Variants in ERBB2 observed in about 807,000 individuals in gnomAD.
ERBB2 encodes the protein receptor tyrosine-protein kinase erbB-2.
Under a neutral mutation model 149.0 loss-of-function variants are expected in ERBB2, and 61 were observed. The ratio of observed to expected loss-of-function variants is 0.41; its 90% confidence interval spans 0.33 to 0.51. ERBB2 has a LOEUF of 0.51. Ranked by LOEUF, ERBB2 falls within the 20% of genes least tolerant of loss-of-function variation. The probability of loss-of-function intolerance (pLI) is 0.25; values close to 1 mark genes in which losing one functional copy is unlikely to be tolerated. For missense variants in ERBB2, 1,205 were observed against 1,655.1 expected, an observed-to-expected ratio of 0.73 and a Z score of 4.72; for synonymous variants, 633 against 678.8, an observed-to-expected ratio of 0.93 and a Z score of 1.05.
At chr17:39,690,394 T>C (rs937224440), upstream of ERBB2, among the ~76,000 whole-genome samples, 4 of 152,210 alleles carry the variant, frequency 2.6e-5, no homozygotes, top group South Asian at 2.1e-4. Flanking sequence ...CCATAAAATA[T>C]TAATTTTCGC....
At chr17:39,724,094 G>A in intron 19 of ERBB2, 84 bp downstream of exon 19, 1 of 968,494 alleles carries the variant, frequency 1.0e-6, no homozygotes. Context: ...CTTCATTGGG[G>A]TTTGGGGAGA....
In ERBB2 at chr17:39,716,365, C is replaced by T. The variant is rs754811013; in HGVS notation, c.1578C>T (p.Thr526=). ...ARGHCWGPGP[T]QCVNCSQFLR... is the part of the protein sequence containing the mutation. ...GGCACTGCTGGGGTCCAGGGCCCAC[C>T]CAGTGTGTCAACTGCAGCCAGTTCC... is the stretch of plus-strand genomic sequence containing the variant. Residue 526 remains threonine (T), a synonymous_variant, in exon 13 of 27, where the codon ACC becomes ACT. Coordinates refer to ENST00000269571, the MANE Select transcript of ERBB2 (RefSeq NM_004448.4). 1.2e-5 allele frequency: 20 copies of T among 1,609,498 alleles called. No homozygotes were observed. The highest frequency in any genetic ancestry group is 1.6e-5 in the Non-Finnish European group (19 of 1,177,772).
At chr17:39,720,218 G>C in intron 16 of ERBB2, 1 of 224,078 alleles carries the variant, frequency 4.5e-6, no homozygotes, top group South Asian at 7.4e-5. Context: ...TGGCATTTGA[G>C]CTAGGCTTTG....
intron 9 of ERBB2, among the ~76,000 whole-genome samples, chr17:39,713,757 A>AG (rs2058953547): frequency 1.4e-5 from 2 of 139,950 alleles, no homozygotes; most frequent in Non-Finnish European, 3.0e-5. Context: ...TGTCTCAAAA[A>AG]GAAAAAAAAA....
rs2145405750 is a variant in ERBB2, at chr17:39,707,026, C to T, written c.110C>T (p.Ala37Val). Residue 37 changes from alanine to valine, a missense_variant, in exon 2 of 27, where the codon GCC (alanine) becomes GTC (valine). By Grantham distance (64) the Ala-to-Val change is moderately conservative. Coordinates refer to ENST00000269571, the MANE Select transcript of ERBB2 (RefSeq NM_004448.4). ...TGTDMKLRLP[A>V]SPETHLDMLR... is the part of the protein sequence containing the mutation. ...ACAGACATGAAGCTGCGGCTCCCTG[C>T]CAGTCCCGAGACCCACCTGGACATG... is the stretch of plus-strand genomic sequence containing the variant. 1 of 1,601,924 alleles carries T rather than the reference C, an allele frequency of 6.2e-7. No homozygotes were observed. The highest frequency in any genetic ancestry group is 8.5e-7 in the Non-Finnish European group (1 of 1,174,308).
chr17:39,697,165 C>G (rs2057881811), upstream of ERBB2, among the ~76,000 whole-genome samples: 1 of 152,088 alleles, frequency 6.6e-6, no homozygotes, highest in South Asian at 2.1e-4. Context: ...CTAACACCAG[C>G]TCAAGAGAAA....
rs1036087767 is a variant in ERBB2 at position 39,710,853 on chromosome 17, T to C, written c.901+372T>C. Among the ~76,000 whole-genome samples the C allele has an allele frequency of 4.6e-5, 7 of 152,232 alleles. No individual in the cohort carries two copies. In the East Asian group the frequency reaches 1.3e-3, roughly 29 times the overall value. ...AAAGCTCTTAGAACGGTGCCTGGTA[T>C]GTACTAAGTGCTCCTAAATGTTAGC... On this transcript the variant is annotated intron_variant, in intron 7 of 26. Coordinates refer to ENST00000269571, the MANE Select transcript of ERBB2 (RefSeq NM_004448.4).
At chr17:39,689,488 A>G (rs1289964145) in intron 2 of ERBB2, among the ~76,000 whole-genome samples, 1 of 151,188 alleles carries the variant, frequency 6.6e-6, no homozygotes, top group African/African-American at 2.4e-5. Flanking sequence ...TTCTTTTTTC[A>G]TTTCATTTTG....
chr17:39,710,308 G>C (rs2058722518), intron 6 of ERBB2, 32 bp from the exon 7 acceptor site: 1 of 1,613,786 alleles, frequency 6.2e-7, no homozygotes, highest in Non-Finnish European at 8.5e-7. Flanking sequence ...GGGCAAAACA[G>C]CACAGTGAAA....
intron 6 of ERBB2, 41 bp from the exon 7 acceptor site, chr17:39,710,299 G>A (rs1311198190): frequency 6.2e-7 from 1 of 1,613,582 alleles, no homozygotes; most frequent in Admixed American, 1.7e-5. Flanking sequence ...GGCACACCAG[G>A]GCAAAACAGC....
chr17:39,691,531 A>G (rs577787590), upstream of ERBB2, among the ~76,000 whole-genome samples: 90 of 134,956 alleles, frequency 6.7e-4, no homozygotes, highest in Admixed American at 1.9e-3. Context: ...TGACAGAGCG[A>G]GACTCCATCT....
Position 39,724,758 on chromosome 17 carries a change from A to G in ERBB2, c.2340A>G (p.Pro780=). ...ACGTGATGGCTGGTGTGGGCTCCCC[A>G]TATGTCTCCCGCCTTCTGGGCATCT... ...EAYVMAGVGS[P]YVSRLLGICL... The change falls in exon 20 of 27, where the codon CCA becomes CCG. Residue 780 remains proline (P), a synonymous_variant. Transcript: ENST00000269571. 1 of 1,614,106 alleles carries G rather than the reference A, an allele frequency of 6.2e-7. No individual in the cohort carries two copies. Among genetic ancestry groups the G allele is most frequent in the South Asian group, 1.1e-5 (1 of 91,078 alleles).
chr17:39,708,561 C>G (rs2058602253), intron 3 of ERBB2, 27 bp downstream of exon 3: 1 of 1,587,666 alleles, frequency 6.3e-7, no homozygotes, highest in Non-Finnish European at 8.6e-7. Context: ...TTGAAACCTT[C>G]TCTTGGTTAT....
Position 39,710,119 on chromosome 17 carries a change from G to A in ERBB2, c.677G>A (p.Arg226His), listed in dbSNP as rs745625627. ...TRTVCAGGCARCKGPLPTDCC... is the reference protein window; with the variant it reads ...TRTVCAGGCAHCKGPLPTDCC... ...ACTGTCTGTGCCGGTGGCTGTGCCCGCTGCAAGGGGCCACTGCCCACTGAC... is the reference window on the plus strand; with the variant it reads ...ACTGTCTGTGCCGGTGGCTGTGCCCACTGCAAGGGGCCACTGCCCACTGAC... The change falls in exon 6 of 27, where the codon CGC (arginine) becomes CAC (histidine). Residue 226 changes from arginine to histidine, a missense_variant. By Grantham distance (29) the Arg-to-His change is conservative. Coordinates refer to ENST00000269571, the MANE Select transcript of ERBB2 (RefSeq NM_004448.4). 33 of 1,609,888 alleles carry A rather than the reference G, an allele frequency of 2.0e-5. No individual in the cohort carries two copies. Among genetic ancestry groups the A allele is most frequent in the Non-Finnish European group, 2.5e-5 (29 of 1,179,332 alleles).
At chr17:39,696,305 C>T (rs1452011655), upstream of ERBB2, among the ~76,000 whole-genome samples, 1 of 152,146 alleles carries the variant, frequency 6.6e-6, no homozygotes, top group African/African-American at 2.4e-5. Context: ...GTTCTGACCC[C>T]AGCTCCTCCC....
upstream of ERBB2, among the ~76,000 whole-genome samples, chr17:39,694,316 C>T (rs55717377): frequency 0.68 from 55,394 of 81,882 alleles, 19,673 homozygotes; most frequent in Middle Eastern, 0.75. Flanking sequence ...TATATATATA[C>T]ACACACACAT....
In ERBB2 at chr17:39,712,402, A is replaced by G; in HGVS notation, c.1102A>G (p.Lys368Glu). Residue 368 changes from lysine (K) to glutamate (E), a missense_variant, in exon 9 of 27, where the codon AAG becomes GAG. Lys to Glu is a moderately conservative substitution (Grantham distance 56). Transcript: ENST00000269571. ...SANIQEFAGCKKIFGSLAFLP... is the reference protein window; with the variant it reads ...SANIQEFAGCEKIFGSLAFLP... ...CAATATCCAGGAGTTTGCTGGCTGC[A>G]AGAAGATCTTTGGGAGCCTGGCATT... 2 of 1,614,020 alleles carry G rather than the reference A, an allele frequency of 1.2e-6. No homozygotes were observed. The highest frequency in any genetic ancestry group is 2.2e-5 in the East Asian group (1 of 44,886).
chr17:39,719,910 G>T, intron 16 of ERBB2, 76 bp downstream of exon 16: 1 of 1,433,072 alleles, frequency 7.0e-7, no homozygotes, highest in Non-Finnish European at 9.8e-7. Context: ...ACTGCTGTAG[G>T]GAGGGGACCC....
At chr17:39,697,082 C>A (rs1384470983), upstream of ERBB2, among the ~76,000 whole-genome samples, 1 of 152,046 alleles carries the variant, frequency 6.6e-6, no homozygotes, top group Non-Finnish European at 1.5e-5. Context: ...GATACATGCC[C>A]AACTTTTCTC....
Sources: allele counts gnomAD v4.1 joint callset (sites outside exome capture counted in the v4.1 genomes callset), GRCh38; gene constraint gnomAD v4.1.1; transcripts MANE v1.5; gene names NCBI Gene and HGNC (gene_info 2026-07-23, HGNC 2026-07-21).